SEZ6L: variants seen among roughly 807,000 people sequenced by gnomAD.
SEZ6L encodes seizure related 6 homolog like, also known as seizure 6-like protein.
A neutral mutation model predicts 106.2 loss-of-function variants in SEZ6L; 37 were observed. The ratio of observed to expected loss-of-function variants is 0.35; its 90% CI spans 0.27 to 0.46. The LOEUF (loss-of-function observed/expected upper bound fraction) is 0.46, where lower values mean the gene tolerates loss of function less well. SEZ6L is among the 20% of genes least tolerant of loss of function. The pLI is 1.00. For synonymous variants in SEZ6L, 541 were observed against 570.4 expected (o/e 0.95, Z 0.73); for missense variants, 1,172 against 1,332.8 (o/e 0.88, Z 1.88).
chr22:26,267,359 G>A (rs1285395185), intron 1 of SEZ6L, among the ~76,000 whole-genome samples: 1 of 152,212 alleles, frequency 6.6e-6, no homozygotes, highest in Non-Finnish European at 1.5e-5. Flanking sequence ...GTATCCAGGG[G>A]TTTGATATGG....
At position 26,246,007 on chromosome 22, in the gene SEZ6L, C is replaced by T. The variant is rs1018871363; in HGVS notation, c.95-46399C>T. The stretch of plus-strand genomic sequence containing the variant: ...AGCAGACCATGCAAAAATGAGTTTT[C>T]GAGAAATTGTTACATGAAGAGTTTA... On this transcript the variant is annotated intron_variant, in intron 1 of 16. Transcript: ENST00000248933. Among the ~76,000 whole-genome samples the T allele has an allele frequency of 5.9e-5, 9 of 152,130 alleles. No homozygotes were observed. The East Asian group carries it at 9.6e-4, about 16-fold the overall frequency.
At chr22:26,353,312 A>G (rs1399232149) in intron 12 of SEZ6L, among the ~76,000 whole-genome samples, 2 of 152,210 alleles carry the variant, frequency 1.3e-5, no homozygotes, top group Non-Finnish European at 2.9e-5. Context: ...ATCTGTAAAC[A>G]TGTGTTTTTG....
chr22:26,274,556 A>C (rs2080478674), intron 1 of SEZ6L, among the ~76,000 whole-genome samples: 1 of 152,212 alleles, frequency 6.6e-6, no homozygotes, highest in Non-Finnish European at 1.5e-5. Context: ...ATTAGGGTTC[A>C]GTGGTCCCCT....
intron 1 of SEZ6L, among the ~76,000 whole-genome samples, chr22:26,269,684 G>A (rs2080301065): frequency 6.6e-6 from 1 of 152,214 alleles, no homozygotes; most frequent in African/African-American, 2.4e-5. Context: ...GTAAAACATT[G>A]TCTTGTCATG....
At chr22:26,310,619 A>G (rs759560848) in intron 6 of SEZ6L, 51 bp from the exon 7 acceptor site, 1 of 1,597,964 alleles carries the variant, frequency 6.3e-7, no homozygotes, top group Admixed American at 1.7e-5. Context: ...CTGCCATGTC[A>G]GTGACCCAGG....
Position 26,222,972 on chromosome 22 carries a change from G to A in SEZ6L, c.94+53209G>A, listed in dbSNP as rs1013835071. ...GGCTGGTTAACATACAATGATGCAT[G>A]GGACAGCCTCCCACAAAAAAAAAAA... On this transcript the variant is annotated intron_variant, in intron 1 of 16. Coordinates refer to ENST00000248933, the MANE Select transcript of SEZ6L (RefSeq NM_021115.5). 8.2e-5 allele frequency among the ~76,000 whole-genome samples: 11 copies of A among 134,386 alleles called. No individual in the cohort carries two copies. The South Asian group carries it at 1.9e-3, about 23-fold the overall frequency. 88.2% of individuals were successfully genotyped at this position (134,386 alleles called of 152,430 possible).
chr22:26,265,745 CTCT>C (rs1052178836), intron 1 of SEZ6L, among the ~76,000 whole-genome samples: 2 of 152,288 alleles, frequency 1.3e-5, no homozygotes, highest in Admixed American at 6.5e-5. Context: ...AGGTCATTCT[CTCT>C]TCTTCTTCTT....
intron 1 of SEZ6L, among the ~76,000 whole-genome samples, chr22:26,285,799 A>G (rs1455983840): frequency 6.6e-6 from 1 of 152,112 alleles, no homozygotes; most frequent in Non-Finnish European, 1.5e-5. Flanking sequence ...TTTGTTTTTA[A>G]TTTTGTGTGA....
At chr22:26,178,113 C>T (rs975194842) in intron 1 of SEZ6L, among the ~76,000 whole-genome samples, 4 of 152,166 alleles carry the variant, frequency 2.6e-5, no homozygotes, top group East Asian at 1.9e-4. Flanking sequence ...AAACCACTGG[C>T]GTCTATTACC....
chr22:26,208,117 G>A (rs946329474), intron 1 of SEZ6L, among the ~76,000 whole-genome samples: 2 of 151,680 alleles, frequency 1.3e-5, no homozygotes, highest in Admixed American at 1.3e-4. Context: ...GGGTTTCACC[G>A]TGTTAGCCAG....
At chr22:26,310,909 G>A (rs1158834369) in intron 7 of SEZ6L, 73 bp downstream of exon 7, 1 of 1,479,504 alleles carries the variant, frequency 6.8e-7, no homozygotes, top group Non-Finnish European at 9.2e-7. Flanking sequence ...AGCATGGGGA[G>A]ATAGAAATCT....
At chr22:26,346,264 A>C (rs138134648) in intron 10 of SEZ6L, among the ~76,000 whole-genome samples, 289 of 151,884 alleles carry the variant, frequency 1.9e-3, no homozygotes, top group African/African-American at 6.8e-3. Flanking sequence ...CTGATCTCCA[A>C]CTCCTGGGCT....
At chr22:26,217,892 T>C (rs962330807) in intron 1 of SEZ6L, among the ~76,000 whole-genome samples, 1 of 152,260 alleles carries the variant, frequency 6.6e-6, no homozygotes, top group African/African-American at 2.4e-5. Flanking sequence ...AATTGAATTC[T>C]GAACGTAGAA....
chr22:26,323,403 T>C (rs1478104952), intron 9 of SEZ6L, among the ~76,000 whole-genome samples: 1 of 152,162 alleles, frequency 6.6e-6, no homozygotes, highest in Non-Finnish European at 1.5e-5. Context: ...GAAGCCAAGA[T>C]GGGAGGATCG....
chr22:26,348,414 G>A (rs73404670), intron 11 of SEZ6L, among the ~76,000 whole-genome samples: 1,766 of 149,868 alleles, frequency 0.012, 38 homozygotes, highest in African/African-American at 0.041. Context: ...TGAGACAGAA[G>A]GATTGCTGGA....
chr22:26,177,811 T>C (rs1026907723), intron 1 of SEZ6L, among the ~76,000 whole-genome samples: 1 of 152,164 alleles, frequency 6.6e-6, no homozygotes, highest in African/African-American at 2.4e-5. Flanking sequence ...TTGGTGTCTG[T>C]AATATTAATC....
chr22:26,191,640 G>C (rs1274570118), intron 1 of SEZ6L, among the ~76,000 whole-genome samples: 2 of 152,074 alleles, frequency 1.3e-5, no homozygotes, highest in Non-Finnish European at 2.9e-5. Context: ...AATGAATGCT[G>C]GGCTTAATAT....
At chr22:26,281,921 T>C (rs1189448297) in intron 1 of SEZ6L, among the ~76,000 whole-genome samples, 5 of 152,226 alleles carry the variant, frequency 3.3e-5, no homozygotes, top group Admixed American at 6.5e-5. Context: ...CTTCCGTGCA[T>C]AGATAGCTTC....
intron 5 of SEZ6L, among the ~76,000 whole-genome samples, chr22:26,299,505 C>T (rs778968070): frequency 3.3e-5 from 5 of 152,130 alleles, no homozygotes; most frequent in Admixed American, 6.5e-5. Context: ...GGCAACCATC[C>T]GGCTGCATTC....
Sources: allele counts gnomAD v4.1 joint callset (sites outside exome capture counted in the v4.1 genomes callset), GRCh38; gene constraint gnomAD v4.1.1; transcripts MANE v1.5; gene names NCBI Gene and HGNC (gene_info 2026-07-23, HGNC 2026-07-21).